Variants in PLEKHG7 observed in about 807,000 individuals in gnomAD.
PLEKHG7 encodes the protein pleckstrin homology and RhoGEF domain containing G7, also known as pleckstrin homology domain-containing family G member 7.
A neutral mutation model predicts 85.2 loss-of-function variants in PLEKHG7; 77 were observed. That is an observed-to-expected ratio of 0.90 (90% CI 0.75 to 1.09). PLEKHG7 has a LOEUF of 1.09. Among genes scored for constraint, PLEKHG7 ranks in the 50% least tolerant of loss-of-function variants. The pLI, the probability that PLEKHG7 is intolerant of heterozygous loss-of-function variation, is 0.00. For synonymous variants in PLEKHG7, 301 were observed against 302.4 expected (o/e 1.00, Z 0.05); for missense variants, 777 against 804.3 (o/e 0.97, Z 0.41).
At chr12:92,736,083 C>T (rs1205925791) in intron 5 of PLEKHG7, among the ~76,000 whole-genome samples, 1 of 152,056 alleles carries the variant, frequency 6.6e-6, no homozygotes, top group African/African-American at 2.4e-5. Context: ...AGGGTTGAAC[C>T]AATATGTCTG....
chr12:92,718,903 C>T (rs779744755), intron 3 of PLEKHG7, among the ~76,000 whole-genome samples: 1 of 152,196 alleles, frequency 6.6e-6, no homozygotes, highest in Non-Finnish European at 1.5e-5. Flanking sequence ...GCATTTCTCA[C>T]ACATGATGAG....
chr12:92,758,796 C>T (rs867881661), intron 13 of PLEKHG7, among the ~76,000 whole-genome samples: 3 of 152,264 alleles, frequency 2.0e-5, no homozygotes, highest in South Asian at 2.1e-4. Context: ...AGTGCAAAGT[C>T]CTGAGACTGG....
chr12:92,764,180 C>A lies in PLEKHG7; in HGVS notation c.1856C>A (p.Pro619Gln). The A allele has an allele frequency of 6.2e-7, 1 of 1,606,116 alleles. No homozygotes were observed. The highest frequency in any genetic ancestry group is 8.5e-7 in the Non-Finnish European group (1 of 1,175,896). ...LDRLVVKSIE[P>Q]LHVSVFGLRN... is the part of the protein sequence containing the mutation. The stretch of plus-strand genomic sequence containing the variant: ...AGATTGGTAGTCAAAAGTATTGAAC[C>A]ACTCCATGTGTCAGGTATGTGTCTA... The change falls in exon 15 of 17, where the codon CCA (proline) becomes CAA (glutamine). Residue 619 changes from proline (P) to glutamine (Q), a missense_variant. By Grantham distance (76) the Pro-to-Gln change is moderately conservative. Around this residue, in one of 3 missense-constraint regions of PLEKHG7, gnomAD observed 520 missense variants for 544.0 expected, o/e 0.96. Transcript: ENST00000344636.
chr12:92,707,352 T>C, intron 2 of PLEKHG7: 1 of 1,428,576 alleles, frequency 7.0e-7, no homozygotes, highest in Non-Finnish European at 9.1e-7. Flanking sequence ...CTCGCTCACT[T>C]TCTTCTGTCC....
At chr12:92,761,627 AAAGAAAGAAAG>A (rs1196025219) in intron 13 of PLEKHG7, 114 bp from the exon 14 acceptor site, 141 of 79,366 alleles carry the variant, frequency 1.8e-3, no homozygotes, top group Admixed American at 3.3e-3. Flanking sequence ...AAGAAAGAAG[AAAGAAAGAAAG>A]AAAGAAAGAA....
In PLEKHG7 at chr12:92,754,197, A is replaced by G. The variant is rs1396909392; in HGVS notation, c.1359A>G (p.Lys453=). 2 of 1,614,060 alleles carry G rather than the reference A, an allele frequency of 1.2e-6. No homozygotes were observed. ...CGTTGTTGCTGAAGAATATCTGGAA[A>G]AGGAGCATGGACTCTGCTGAGAAAA... ...RYPLLLKNIW[K]RSMDSAEKIM... The change falls in exon 11 of 17, where the codon AAA becomes AAG. Residue 453 remains lysine (K), a synonymous_variant. Transcript: ENST00000344636.
intron 3 of PLEKHG7, among the ~76,000 whole-genome samples, chr12:92,725,740 C>T (rs989543787): frequency 2.6e-5 from 4 of 152,126 alleles, no homozygotes; most frequent in African/African-American, 9.7e-5. Flanking sequence ...AATTCCTAAA[C>T]AACTTGTTCT....
chr12:92,749,347 A>G (rs1872624089), intron 10 of PLEKHG7, among the ~76,000 whole-genome samples: 1 of 152,094 alleles, frequency 6.6e-6, no homozygotes, highest in Non-Finnish European at 1.5e-5. Context: ...GCTAGAGTGC[A>G]GTGGTACAAT....
At chr12:92,763,806 G>C (rs964259020) in intron 14 of PLEKHG7, among the ~76,000 whole-genome samples, 2 of 151,954 alleles carry the variant, frequency 1.3e-5, no homozygotes, top group African/African-American at 2.4e-5. Flanking sequence ...GTGACAGAGT[G>C]AGACCCTGTC....
chr12:92,756,431 C>T lies in PLEKHG7; in HGVS notation c.1636+40C>T, dbSNP rs187215742. ...CCTTTAAAAAACCCAACATCTGTGCCGCCTTGTAACTTGTTTGACTGCCAG... is the reference window on the plus strand; with the variant it reads ...CCTTTAAAAAACCCAACATCTGTGCTGCCTTGTAACTTGTTTGACTGCCAG... On this transcript the variant is annotated intron_variant, in intron 13 of 16. Transcript: ENST00000344636. The T allele has an allele frequency of 1.7e-4, 242 of 1,461,488 alleles. 1 individual carries two copies. Among genetic ancestry groups the T allele is most frequent in the Non-Finnish European group, 2.0e-4 (207 of 1,042,620 alleles). 90.5% of individuals were successfully genotyped at this position (1,461,488 alleles called of 1,614,324 possible).
chr12:92,716,959 A>G (rs1871507260), intron 3 of PLEKHG7, among the ~76,000 whole-genome samples: 1 of 152,244 alleles, frequency 6.6e-6, no homozygotes, highest in Admixed American at 6.5e-5. Context: ...ATGCATTTGC[A>G]TTTTAACAAA....
chr12:92,761,678 GAAA>G, intron 13 of PLEKHG7, 71 bp from the exon 14 acceptor site: 1 of 1,270,516 alleles, frequency 7.9e-7, no homozygotes, highest in East Asian at 3.4e-5. Flanking sequence ...AAGAAAGAAA[GAAA>G]GAAAGGGAAA....
intron 3 of PLEKHG7, among the ~76,000 whole-genome samples, chr12:92,713,096 T>G (rs888520139): frequency 1.3e-5 from 2 of 152,182 alleles, no homozygotes; most frequent in African/African-American, 4.8e-5. Flanking sequence ...ACCACTGCAC[T>G]CCAGCCTGGA....
intron 3 of PLEKHG7, among the ~76,000 whole-genome samples, chr12:92,725,458 A>G (rs917471808): frequency 6.6e-6 from 1 of 152,160 alleles, no homozygotes; most frequent in Non-Finnish European, 1.5e-5. Flanking sequence ...TCAAGGAGAT[A>G]AAAAGGAGGG....
At chr12:92,762,126 A>G (rs1426934538) in intron 14 of PLEKHG7, among the ~76,000 whole-genome samples, 1 of 152,204 alleles carries the variant, frequency 6.6e-6, no homozygotes, top group Non-Finnish European at 1.5e-5. Flanking sequence ...AAGTCCCAGA[A>G]GCCACAGGAC....
intron 3 of PLEKHG7, 139 bp downstream of exon 3, chr12:92,707,811 C>T (rs1338829522): frequency 7.6e-6 from 11 of 1,439,982 alleles, no homozygotes; most frequent in East Asian, 7.3e-5. Context: ...AGTCACTCTT[C>T]GCATTTATAG....
chr12:92,761,662 GAAAGAAAGAAAGAAAGA>G lies in PLEKHG7; in HGVS notation c.1637-87_1637-71del, dbSNP rs1436899097. On this transcript the variant is annotated intron_variant, in intron 13 of 16. Coordinates refer to ENST00000344636, the MANE Select transcript of PLEKHG7 (RefSeq NM_001377329.1). ...AGAAAGAAAGAAAGAAAGAAAGAAAGAAAGAAAGAAAGAAAGAAAGAAAGGGAAAGAAAAACTCTTCT... is the reference window on the plus strand; with the variant it reads ...AGAAAGAAAGAAAGAAAGAAAGAAAGAAGAAAGGGAAAGAAAAACTCTTCT... 6.2e-4 allele frequency: 820 copies of G among 1,330,018 alleles called. 7 individuals carry two copies. The highest frequency in any genetic ancestry group is 4.9e-4 in the Non-Finnish European group (498 of 1,025,976). 82.4% of individuals were successfully genotyped at this position (1,330,018 alleles called of 1,614,324 possible).
At chr12:92,743,771 G>A (rs763623520) in intron 9 of PLEKHG7, among the ~76,000 whole-genome samples, 4 of 152,062 alleles carry the variant, frequency 2.6e-5, no homozygotes, top group South Asian at 4.1e-4. Context: ...TATTGGCCAG[G>A]CTGCTCTCGA....
chr12:92,716,336 C>T (rs1871493737), intron 3 of PLEKHG7, among the ~76,000 whole-genome samples: 1 of 152,094 alleles, frequency 6.6e-6, no homozygotes, highest in African/African-American at 2.4e-5. Context: ...GACCTCAAGT[C>T]GTCCACCCTC....
Sources: gnomAD v4.1 joint callset for allele counts (sites outside exome capture counted in the v4.1 genomes callset) on GRCh38, gnomAD v4.1.1 for gene constraint, gnomAD v4.1.1 regional missense constraint, MANE v1.5 for transcripts, NCBI Gene and HGNC (gene_info 2026-07-23, HGNC 2026-07-21) for gene names.